The following TREML4 variants were observed in gnomAD, a reference collection of about 807,000 sequenced individuals.
The protein encoded by TREML4 is trem-like transcript 4 protein.
A neutral mutation model predicts 25.4 loss-of-function variants in TREML4; 25 were observed. The observed-to-expected ratio is 0.98, with a 90% CI of 0.72 to 1.37. TREML4 has a LOEUF of 1.37. TREML4 is among the 40% of genes most tolerant of loss of function. The pLI is 0.00. For missense variants in TREML4, 268 were observed against 236.5 expected, an observed-to-expected ratio of 1.13 and a Z score of -0.87; for synonymous variants, 92 against 87.9, an observed-to-expected ratio of 1.05 and a Z score of -0.26.
intron 4 of TREML4, 39 bp downstream of exon 4, chr6:41,230,161 G>T (rs147810984): frequency 6.5e-7 from 1 of 1,528,454 alleles, no homozygotes; most frequent in South Asian, 1.1e-5. Flanking sequence ...GAGGTCTTGG[G>T]AAGGGAGGGC....
rs778666326 is a variant in TREML4 at position 41,236,589 on chromosome 6, T to A, written c.*7T>A. ...CAAGGGCCTGATGTTGTGAGTCCTG[T>A]TAGTGCTCCTGATCTGCAGGTGCCA... On this transcript the variant is annotated 3_prime_UTR_variant, in exon 5 of 6. Transcript: ENST00000341495. 10 of 1,610,616 alleles carry A rather than the reference T, an allele frequency of 6.2e-6. No homozygotes were observed. In the South Asian group the frequency reaches 1.1e-4, roughly 18 times the overall value.
intron 4 of TREML4, among the ~76,000 whole-genome samples, chr6:41,233,330 T>A (rs961216455): frequency 7.9e-5 from 12 of 152,170 alleles, no homozygotes; most frequent in Non-Finnish European, 1.5e-5. Flanking sequence ...TTTTAAAAAG[T>A]GCAATGTTAT....
Position 41,237,708 on chromosome 6 carries a change from G to C in TREML4, c.*689G>C, listed in dbSNP as rs2113945755. The C allele has an allele frequency of 6.6e-6, 1 of 152,292 alleles. No individual in the cohort carries two copies. Among genetic ancestry groups the C allele is most frequent in the East Asian group, 1.9e-4 (1 of 5,186 alleles). The allele number at this position is 152,292 out of a possible 1,614,324, so 9.4% of individuals were successfully genotyped here. ...CAGACTGGAAGCTGAGGAAGATCTAGAAGTAAAAGAAAAAATTAGATGCGT... is the reference window on the plus strand; with the variant it reads ...CAGACTGGAAGCTGAGGAAGATCTACAAGTAAAAGAAAAAATTAGATGCGT... On this transcript the variant is annotated 3_prime_UTR_variant, in exon 6 of 6. Transcript: ENST00000341495.
intron 4 of TREML4, among the ~76,000 whole-genome samples, chr6:41,234,088 A>G (rs1766853972): frequency 6.6e-6 from 1 of 151,954 alleles, no homozygotes; most frequent in South Asian, 2.1e-4. Context: ...ACCTTGTATA[A>G]GGACATATAA....
At position 41,238,416 on chromosome 6, in the gene TREML4, G is replaced by T. The variant is rs1233508660; in HGVS notation, c.*1397G>T. On this transcript the variant is annotated 3_prime_UTR_variant, in exon 6 of 6. Transcript: ENST00000341495. ...ATATGCTTGTCTTACTCCTTGCTGG[G>T]CACATATACACAGCCCACTTCTTTT... 1 of 152,034 alleles carries T rather than the reference G, an allele frequency of 6.6e-6. No individual in the cohort carries two copies. Among genetic ancestry groups the T allele is most frequent in the Non-Finnish European group, 1.5e-5 (1 of 68,018 alleles). 9.4% of individuals were successfully genotyped at this position (152,034 alleles called of 1,614,324 possible).
chr6:41,236,461 C>T, intron 4 of TREML4, 25 bp from the exon 5 acceptor site: 1 of 1,608,358 alleles, frequency 6.2e-7, no homozygotes, highest in Admixed American at 1.7e-5. Context: ...CCAAGTCCAT[C>T]CTCCTTTCTC....
chr6:41,238,415 G>A lies in TREML4; in HGVS notation c.*1396G>A, dbSNP rs1766941467. 6.6e-6 allele frequency: 1 copy of A among 151,870 alleles called. No individual in the cohort carries two copies. The highest frequency in any genetic ancestry group is 1.5e-5 in the Non-Finnish European group (1 of 68,000). 9.4% of individuals were successfully genotyped at this position (151,870 alleles called of 1,614,324 possible). A position where few individuals can be genotyped will look rare whatever the true frequency, so the allele number is the denominator to read the frequency against. On this transcript the variant is annotated 3_prime_UTR_variant, in exon 6 of 6. Coordinates refer to ENST00000341495, the MANE Select transcript of TREML4 (RefSeq NM_198153.3). ...CATATGCTTGTCTTACTCCTTGCTG[G>A]GCACATATACACAGCCCACTTCTTT...
At chr6:41,230,672 A>G (rs1389200510) in intron 4 of TREML4, among the ~76,000 whole-genome samples, 1 of 152,204 alleles carries the variant, frequency 6.6e-6, no homozygotes, top group Non-Finnish European at 1.5e-5. Context: ...CTGCCAGAGC[A>G]TTTGCTCCGT....
At position 41,229,504 on chromosome 6, in the gene TREML4, CTG is replaced by C; in HGVS notation, c.395-15_395-14del. On this transcript the variant is annotated splice_polypyrimidine_tract_variant and intron_variant, in intron 2 of 5. Coordinates refer to ENST00000341495, the MANE Select transcript of TREML4 (RefSeq NM_198153.3). ...TGGGCCCCTGGAGAGTCATTGTCTGCTGTCTTTTCTCTTTAGCCCCAACCACG... is the reference window on the plus strand; with the variant it reads ...TGGGCCCCTGGAGAGTCATTGTCTGCTCTTTTCTCTTTAGCCCCAACCACG... 6.2e-7 allele frequency: 1 copy of C among 1,613,760 alleles called. No individual in the cohort carries two copies. The highest frequency in any genetic ancestry group is 1.7e-5 in the Admixed American group (1 of 60,006).
chr6:41,230,115 G>A lies in TREML4; in HGVS notation c.499G>A (p.Glu167Lys), dbSNP rs369809003. 53 of 1,610,704 alleles carry A rather than the reference G, an allele frequency of 3.3e-5. No individual in the cohort carries two copies. Among genetic ancestry groups the A allele is most frequent in the Non-Finnish European group, 4.4e-5 (52 of 1,176,934 alleles). Residue 167 changes from glutamate (E) to lysine (K), a missense_variant, in exon 4 of 6, where the codon GAG becomes AAG. By Grantham distance (56) the Glu-to-Lys change is moderately conservative. Coordinates refer to ENST00000341495, the MANE Select transcript of TREML4 (RefSeq NM_198153.3). ...TGGCCATCCCTCCATCAATGGCTCT[G>A]AGACCAGGTAGGTCAGAGGTTTTAA... Reference protein sequence around the residue: ...TSGHPSINGSETRKSRAPACL... With the variant: ...TSGHPSINGSKTRKSRAPACL...
intron 4 of TREML4, among the ~76,000 whole-genome samples, chr6:41,235,362 A>C (rs962742149): frequency 1.6e-4 from 24 of 152,202 alleles, no homozygotes; most frequent in African/African-American, 5.5e-4. Context: ...GGTTACATGA[A>C]AGAAGATTAG....
intron 3 of TREML4, 172 bp downstream of exon 3, chr6:41,229,743 TG>T (rs1766750677): frequency 1.4e-6 from 1 of 716,646 alleles, no homozygotes; most frequent in Non-Finnish European, 2.5e-6. Flanking sequence ...GAGAGAAACA[TG>T]CACTATCTGA....
chr6:41,230,536 G>T lies in TREML4; in HGVS notation c.506+414G>T, dbSNP rs17644041. On this transcript the variant is annotated intron_variant, in intron 4 of 5. Coordinates refer to ENST00000341495, the MANE Select transcript of TREML4 (RefSeq NM_198153.3). Reference sequence around the variant, plus strand: ...TCTGCTTCTATTCTTGCAGTCATGGGTTTTGAGGCCATGACGGCCTCCCCT... The same window carrying T: ...TCTGCTTCTATTCTTGCAGTCATGGTTTTTGAGGCCATGACGGCCTCCCCT... 8.7e-3 allele frequency among the ~76,000 whole-genome samples: 1,326 copies of T among 152,260 alleles called. 29 individuals carry two copies. Among genetic ancestry groups the T allele is most frequent in the South Asian group, 0.08 (384 of 4,818 alleles).
At position 41,228,924 on chromosome 6, in the gene TREML4, T is replaced by C; in HGVS notation, c.274T>C (p.Phe92Leu). The C allele has an allele frequency of 6.2e-7, 1 of 1,614,162 alleles. No individual in the cohort carries two copies. The highest frequency in any genetic ancestry group is 8.5e-7 in the Non-Finnish European group (1 of 1,180,014). The change falls in exon 2 of 6, where the codon TTC becomes CTC. Residue 92 changes from phenylalanine to leucine, a missense_variant. Phe to Leu is a conservative substitution (Grantham distance 22). Transcript: ENST00000341495. ...CTGGGACAAGCCCAATGCTGGCTTC[T>C]TCAACATCACCATGATTCAGCTGAC... is the stretch of plus-strand genomic sequence containing the variant. ...TIWDKPNAGF[F>L]NITMIQLTQN...
In TREML4 at chr6:41,228,383, C is replaced by G. The variant is rs1377660911; in HGVS notation, c.-45C>G. The G allele has an allele frequency of 2.7e-6, 4 of 1,509,192 alleles. No individual in the cohort carries two copies. Among genetic ancestry groups the G allele is most frequent in the Non-Finnish European group, 3.6e-6 (4 of 1,109,936 alleles). 93.5% of individuals were successfully genotyped at this position (1,509,192 alleles called of 1,614,324 possible). A position where few individuals can be genotyped will look rare whatever the true frequency, so the allele number is the denominator to read the frequency against. ...GTCTGACTCCTCCTGAGAGGGCTCC[C>G]TTTTTTCTCCTCTCCTCCGCTGTCA... On this transcript the variant is annotated 5_prime_UTR_variant, in exon 1 of 6. Transcript: ENST00000341495.
rs111644639 is a variant in TREML4, at chr6:41,228,366, C to T, written c.-62C>T. 4.8e-6 allele frequency: 6 copies of T among 1,246,316 alleles called. 1 individual carries two copies. Among genetic ancestry groups the T allele is most frequent in the East Asian group, 2.5e-5 (1 of 39,276 alleles). 77.2% of individuals were successfully genotyped at this position (1,246,316 alleles called of 1,614,324 possible). On this transcript the variant is annotated 5_prime_UTR_variant, in exon 1 of 6. Coordinates refer to ENST00000341495, the MANE Select transcript of TREML4 (RefSeq NM_198153.3). ...GCAGAATCAGACCCAGCGTCTGACT[C>T]CTCCTGAGAGGGCTCCCTTTTTTCT...
intron 4 of TREML4, among the ~76,000 whole-genome samples, chr6:41,232,025 C>T (rs535420818): frequency 7.2e-5 from 11 of 152,268 alleles, no homozygotes; most frequent in South Asian, 4.1e-4. Flanking sequence ...AATGTCTGCA[C>T]GCTTTCAGAT....
chr6:41,230,602 C>T (rs553018033), intron 4 of TREML4, among the ~76,000 whole-genome samples: 13 of 152,268 alleles, frequency 8.5e-5, no homozygotes, highest in African/African-American at 2.9e-4. Context: ...GTCACAGGTG[C>T]TCTAGGGGAC....
chr6:41,233,795 T>C (rs1404151846), intron 4 of TREML4, among the ~76,000 whole-genome samples: 1 of 151,376 alleles, frequency 6.6e-6, no homozygotes, highest in Non-Finnish European at 1.5e-5. Context: ...TTTTATTAGG[T>C]ATTTATAATA....
Sources: allele counts gnomAD v4.1 joint callset (sites outside exome capture counted in the v4.1 genomes callset), GRCh38; gene constraint gnomAD v4.1.1; transcripts MANE v1.5; gene names NCBI Gene and HGNC (gene_info 2026-07-23, HGNC 2026-07-21).